Variants in REDIC1 observed in about 807,000 individuals in gnomAD.
REDIC1 encodes the protein regulator of DNA class I crossover intermediates 1, also known as HEI10 Interacting Protein 1.
the REDIC1 span, among the ~76,000 whole-genome samples, chr12:39,789,558 GA>G: frequency 1.1e-4 from 17 of 152,132 alleles, no homozygotes; most frequent in South Asian, 2.9e-3. Context: ...ATAAATATGG[GA>G]AAACAGAATA....
At chr12:39,712,001 T>C in the REDIC1 span, among the ~76,000 whole-genome samples, 1 of 145,686 alleles carries the variant, frequency 6.9e-6, no homozygotes, top group Non-Finnish European at 1.5e-5. Flanking sequence ...TACATGTCTG[T>C]ATATATACCT....
chr12:39,697,845 C>T, the REDIC1 span, among the ~76,000 whole-genome samples: 5 of 151,972 alleles, frequency 3.3e-5, no homozygotes, highest in East Asian at 1.9e-4. Context: ...GAAGGAAAGA[C>T]GAAATGACCA....
the REDIC1 span, among the ~76,000 whole-genome samples, chr12:39,711,698 T>TGC: frequency 3.4e-5 from 1 of 29,626 alleles, no homozygotes; most frequent in Non-Finnish European, 1.0e-4. Flanking sequence ...TGTATGTGTA[T>TGC]GTGTATACAC....
chr12:39,748,508 C>A, the REDIC1 span, among the ~76,000 whole-genome samples: 17 of 152,272 alleles, frequency 1.1e-4, no homozygotes, highest in East Asian at 3.3e-3. Context: ...TTAGACAGAT[C>A]AATGAGACAG....
chr12:39,810,527 G>A, the REDIC1 span, among the ~76,000 whole-genome samples: 1 of 152,052 alleles, frequency 6.6e-6, no homozygotes, highest in Non-Finnish European at 1.5e-5. Flanking sequence ...ATGTAGTAGT[G>A]TTAAGAGTAG....
chr12:39,720,551 C>T, the REDIC1 span, among the ~76,000 whole-genome samples: 1 of 151,976 alleles, frequency 6.6e-6, no homozygotes, highest in African/African-American at 2.4e-5. Flanking sequence ...ATTTTTATTA[C>T]AAAGATTATT....
At chr12:39,744,393 AG>A in the REDIC1 span, among the ~76,000 whole-genome samples, 1 of 152,246 alleles carries the variant, frequency 6.6e-6, no homozygotes, top group Admixed American at 6.5e-5. Context: ...GAAAATCATT[AG>A]AAATGGAATA....
the REDIC1 span, among the ~76,000 whole-genome samples, chr12:39,659,609 CTTTTT>C: frequency 6.6e-6 from 1 of 152,022 alleles, no homozygotes; most frequent in African/African-American, 2.4e-5. Flanking sequence ...TTTACCTTTT[CTTTTT>C]TATCTTCCAT....
chr12:39,647,386 A>G, the REDIC1 span, among the ~76,000 whole-genome samples: 6 of 152,102 alleles, frequency 3.9e-5, no homozygotes, highest in African/African-American at 1.4e-4. Flanking sequence ...ATCTAATGTC[A>G]TATTGTTAGC....
At chr12:39,728,471 C>T in the REDIC1 span, among the ~76,000 whole-genome samples, 1 of 152,092 alleles carries the variant, frequency 6.6e-6, no homozygotes, top group African/African-American at 2.4e-5. Flanking sequence ...TATGTTAAAC[C>T]AGCCTTGCAT....
At chr12:39,702,947 G>A in the REDIC1 span, among the ~76,000 whole-genome samples, 1 of 152,090 alleles carries the variant, frequency 6.6e-6, no homozygotes, top group South Asian at 2.1e-4. Context: ...AATAATAAGA[G>A]CTATCTATGA....
At chr12:39,773,076 T>A in the REDIC1 span, among the ~76,000 whole-genome samples, 1 of 152,236 alleles carries the variant, frequency 6.6e-6, no homozygotes, top group Non-Finnish European at 1.5e-5. Flanking sequence ...TCCTGGCAAC[T>A]GCTGGTAGAA....
the REDIC1 span, among the ~76,000 whole-genome samples, chr12:39,709,922 AT>A: frequency 4.6e-3 from 692 of 151,862 alleles, 4 homozygotes; most frequent in African/African-American, 0.015. Flanking sequence ...TTGCTGCACC[AT>A]TTTATATTTC....
chr12:39,744,759 C>T, the REDIC1 span, among the ~76,000 whole-genome samples: 1 of 151,748 alleles, frequency 6.6e-6, no homozygotes, highest in African/African-American at 2.4e-5. Context: ...CAGTTAAAAC[C>T]AAAAATGGCA....
chr12:39,710,889 ATTC>A, the REDIC1 span, among the ~76,000 whole-genome samples: 1 of 150,570 alleles, frequency 6.6e-6, no homozygotes, highest in Admixed American at 6.7e-5. Context: ...TTTTTTCAGT[ATTC>A]TTTTTTTTTA....
chr12:39,780,484 C>T, the REDIC1 span, among the ~76,000 whole-genome samples: 1 of 152,194 alleles, frequency 6.6e-6, no homozygotes, highest in Non-Finnish European at 1.5e-5. Context: ...GAATAAAATG[C>T]TTCTCAAAGA....
the REDIC1 span, among the ~76,000 whole-genome samples, chr12:39,810,667 A>G: frequency 6.6e-6 from 1 of 152,132 alleles, no homozygotes; most frequent in Non-Finnish European, 1.5e-5. Context: ...CAGCCTTCTG[A>G]GAGTTTTTAT....
At chr12:39,644,727 G>T in the REDIC1 span, among the ~76,000 whole-genome samples, 1 of 151,652 alleles carries the variant, frequency 6.6e-6, no homozygotes, top group Non-Finnish European at 1.5e-5. Context: ...AAATCTTTTT[G>T]ATGTATTTAC....
At chr12:39,685,187 A>AC in the REDIC1 span, among the ~76,000 whole-genome samples, 1 of 152,212 alleles carries the variant, frequency 6.6e-6, no homozygotes, top group Non-Finnish European at 1.5e-5. Context: ...TTTAAGTATT[A>AC]CAAAACTTCT....
Sources: gnomAD v4.1 joint callset for allele counts (sites outside exome capture counted in the v4.1 genomes callset) on GRCh38, gnomAD v4.1.1 for gene constraint, MANE v1.5 for transcripts, NCBI Gene and HGNC (gene_info 2026-07-23, HGNC 2026-07-21) for gene names.